The following TPRX1 variants were observed in gnomAD, a reference collection of about 807,000 sequenced individuals.
TPRX1 encodes the protein tetra-peptide repeat homeobox protein 1.
In TPRX1, 2 loss-of-function variants were observed where a neutral mutation model predicts 8.1. The observed-to-expected ratio is 0.25, with a 90% CI of 0.10 to 0.78. TPRX1 has a LOEUF of 0.78. Among genes scored for constraint, TPRX1 ranks in the 30% least tolerant of loss-of-function variants. The pLI is 0.70. For missense variants in TPRX1, 517 were observed against 586.9 expected (o/e 0.88, Z 1.23); for synonymous variants, 257 against 254.1 (o/e 1.01, Z -0.11).
At chr19:47,816,307 A>T (rs1042872513) in intron 2 of TPRX1, among the ~76,000 whole-genome samples, 9 of 151,930 alleles carry the variant, frequency 5.9e-5, no homozygotes, top group African/African-American at 1.9e-4. Flanking sequence ...AGCTCAAGCG[A>T]TCCTCCCACC....
At chr19:47,818,336 TCCATCATCCATC>T (rs1270544200) in intron 2 of TPRX1, 67 of 306,176 alleles carry the variant, frequency 2.2e-4, no homozygotes, top group Non-Finnish European at 4.3e-5. Context: ...CATCCATCCA[TCCATCATCCATC>T]CATCCATCCA....
chr19:47,802,542 T>C, exon 4 of TPRX1: 2 of 1,542,524 alleles, frequency 1.3e-6, no homozygotes, highest in African/African-American at 1.4e-5. Flanking sequence ...GGGCCTGAAA[T>C]TGGGCCTGGG....
chr19:47,815,141 TATGCAA>T (rs1328675686), intron 2 of TPRX1, among the ~76,000 whole-genome samples: 30 of 103,422 alleles, frequency 2.9e-4, no homozygotes, highest in African/African-American at 1.2e-3. Flanking sequence ...TATATATATA[TATGCAA>T]ATATATATAT....
rs201517173 is a variant in TPRX1 at position 47,802,137 on chromosome 19, G to A, written c.1165C>T (p.Arg389Trp). The change falls in exon 4 of 4, where the codon CGG becomes TGG. Residue 389 changes from arginine (R) to tryptophan (W), a missense_variant. Transcript: ENST00000535759. ...GGAAGTGAGCCAGGGCTTCGCATCC[G>A]GCCAGGACTTAAGATGGGACCTGGG... 2.6e-5 allele frequency: 42 copies of A among 1,588,706 alleles called. No individual in the cohort carries two copies. In the East Asian group the frequency reaches 7.6e-4, roughly 29 times the overall value.
At chr19:47,807,012 C>T (rs115920372) in intron 2 of TPRX1, among the ~76,000 whole-genome samples, 198 of 152,028 alleles carry the variant, frequency 1.3e-3, no homozygotes, top group African/African-American at 4.5e-3. Flanking sequence ...TCAAGTGATA[C>T]TCCTGCCTCA....
chr19:47,813,790 G>GCTGGC (rs1220795996), intron 2 of TPRX1, among the ~76,000 whole-genome samples: 1 of 151,998 alleles, frequency 6.6e-6, no homozygotes, highest in East Asian at 1.9e-4. Context: ...CTCTGCTGAG[G>GCTGGC]CTGGCCTGGC....
chr19:47,802,717 C>T (rs999094996), exon 4 of TPRX1: 5 of 1,591,268 alleles, frequency 3.1e-6, no homozygotes, highest in East Asian at 2.3e-5. Flanking sequence ...GGGCAGGGAT[C>T]GGGCCAGGGC....
At chr19:47,810,197 G>A (rs1967769301) in intron 2 of TPRX1, among the ~76,000 whole-genome samples, 2 of 130,922 alleles carry the variant, frequency 1.5e-5, no homozygotes, top group South Asian at 2.7e-4. Context: ...AGAGGTTGCC[G>A]TGAGCTGAGA....
intron 2 of TPRX1, among the ~76,000 whole-genome samples, chr19:47,813,534 T>C (rs1967804183): frequency 6.6e-6 from 1 of 152,072 alleles, no homozygotes; most frequent in Admixed American, 6.6e-5. Context: ...GGGAAGACAC[T>C]TTCCAGGCGC....
chr19:47,815,163 T>TATA lies in TPRX1; in HGVS notation c.151+3304_151+3305insTAT, dbSNP rs201060804. Among the ~76,000 whole-genome samples the TATA allele has an allele frequency of 3.7e-3, 323 of 86,240 alleles. 10 individuals carry two copies. The highest frequency in any genetic ancestry group is 0.034 in the Middle Eastern group (3 of 88). 56.6% of individuals were successfully genotyped at this position (86,240 alleles called of 152,430 possible). Reference sequence around the variant, plus strand: ...ATATATGCAAATATATATATATATATTTTTTTTTTTTGAGACAGTCTTGCT... The same window carrying TATA: ...ATATATGCAAATATATATATATATATATATTTTTTTTTTTGAGACAGTCTTGCT... On this transcript the variant is annotated intron_variant, in intron 2 of 3. Transcript: ENST00000535759.
chr19:47,813,597 C>G (rs1568616871), intron 2 of TPRX1, among the ~76,000 whole-genome samples: 1 of 152,088 alleles, frequency 6.6e-6, no homozygotes, highest in East Asian at 1.9e-4. Context: ...TTGGCATTCC[C>G]CCACCCTGCC....
At chr19:47,802,402 G>A (rs1242409108) in exon 4 of TPRX1, 1 of 1,298,584 alleles carries the variant, frequency 7.7e-7, no homozygotes, top group South Asian at 1.3e-5. Context: ...TCGGGCCTGG[G>A]ATCGGGACTG....
chr19:47,809,138 A>G (rs1967760507), intron 2 of TPRX1, among the ~76,000 whole-genome samples: 2 of 152,196 alleles, frequency 1.3e-5, no homozygotes, highest in South Asian at 4.1e-4. Flanking sequence ...GTGCTGAGTA[A>G]TAATGTACTA....
At chr19:47,808,202 C>T (rs1967751795) in intron 2 of TPRX1, among the ~76,000 whole-genome samples, 1 of 152,042 alleles carries the variant, frequency 6.6e-6, no homozygotes, top group South Asian at 2.1e-4. Flanking sequence ...GCAACCTCCG[C>T]CTCCCAGGTT....
chr19:47,802,758 G>T, exon 4 of TPRX1: 1 of 1,606,940 alleles, frequency 6.2e-7, no homozygotes, highest in Non-Finnish European at 8.5e-7. Context: ...ATGCCCTTCT[G>T]GGCTCTGCAC....
intron 2 of TPRX1, among the ~76,000 whole-genome samples, chr19:47,815,117 T>TATATATATATATATATATATATATGCAA (rs1967820551): frequency 7.1e-5 from 5 of 70,882 alleles, no homozygotes; most frequent in African/African-American, 1.9e-4. Context: ...AGATAAATTA[T>TATATATATATATATATATATATATGCAA]ATATATATAT....
At chr19:47,814,152 G>A (rs2123719476) in intron 2 of TPRX1, among the ~76,000 whole-genome samples, 1 of 151,882 alleles carries the variant, frequency 6.6e-6, no homozygotes, top group Non-Finnish European at 1.5e-5. Flanking sequence ...TGCCTCCTGG[G>A]TTCAAAGGAT....
At chr19:47,818,388 C>CTCCATCCATCCA (rs201507309) in intron 2 of TPRX1, 6,586 of 342,928 alleles carry the variant, frequency 0.019, 400 homozygotes, top group African/African-American at 0.072. Flanking sequence ...CCATCCATCC[C>CTCCATCCATCCA]TCCATCCATC....
chr19:47,818,297 T>C (rs1967865066), intron 2 of TPRX1, among the ~76,000 whole-genome samples: 1 of 125,116 alleles, frequency 8.0e-6, no homozygotes, highest in Admixed American at 7.7e-5. Context: ...CATCCATCCA[T>C]CCACCCATCC....
Sources: gnomAD v4.1 joint callset for allele counts (sites outside exome capture counted in the v4.1 genomes callset) on GRCh38, gnomAD v4.1.1 for gene constraint, MANE v1.5 for transcripts, NCBI Gene and HGNC (gene_info 2026-07-23, HGNC 2026-07-21) for gene names.